Variants in TTC19 observed in about 807,000 individuals in gnomAD.
TTC19 encodes tetratricopeptide repeat domain 19.
A neutral mutation model predicts 49.5 loss-of-function variants in TTC19; 38 were observed. The observed-to-expected ratio is 0.77, with a 90% CI of 0.59 to 1.01. The LOEUF (loss-of-function observed/expected upper bound fraction) is 1.01. Among genes scored for constraint, TTC19 ranks in the 50% least tolerant of loss-of-function variants. The pLI is 0.00. For missense variants in TTC19, 475 were observed against 477.7 expected, an observed-to-expected ratio of 0.99 and a Z score of 0.05; for synonymous variants, 204 against 185.2, an observed-to-expected ratio of 1.10 and a Z score of -0.83.
In TTC19 at chr17:15,999,899, G is replaced by A. The variant is rs1324135101; in HGVS notation, c.51G>A (p.Ala17=). 2 of 1,397,724 alleles carry A rather than the reference G, an allele frequency of 1.4e-6. No individual in the cohort carries two copies. The highest frequency in any genetic ancestry group is 1.8e-6 in the Non-Finnish European group (2 of 1,085,492). 86.6% of individuals were successfully genotyped at this position (1,397,724 alleles called of 1,614,324 possible). A position where few individuals can be genotyped will look rare whatever the true frequency, so the allele number is the denominator to read the frequency against. ...TGGGCCGAGGCTTCCTGCGGGCCGC[G>A]GGGCGGCGGTGCCGGGGCTGCTCCG... The part of the protein sequence containing the change: ...WSLGRGFLRA[A]GRRCRGCSAR... The change falls in exon 1 of 10, where the codon GCG becomes GCA. Residue 17 remains alanine (A), a synonymous_variant. Transcript: ENST00000261647.
rs574609977 is a variant in TTC19, at chr17:16,027,633, G to A, written c.*111G>A. On this transcript the variant is annotated 3_prime_UTR_variant, in exon 10 of 10. Coordinates refer to ENST00000261647, the MANE Select transcript of TTC19 (RefSeq NM_017775.4). ...TAAATCTGTCGTTTTTGATATTCAG[G>A]TTTCCTCAATTTAGCCTTAGTGAAG... The A allele has an allele frequency of 3.5e-5, 47 of 1,344,922 alleles. No individual in the cohort carries two copies. The South Asian group carries it at 5.5e-4, about 16-fold the overall frequency. The allele number at this position is 1,344,922 out of a possible 1,614,324, so 83.3% of individuals were successfully genotyped here. A position where few individuals can be genotyped will look rare whatever the true frequency, so the allele number is the denominator to read the frequency against.
At chr17:16,035,333 G>A (rs1414011707) in intron 2 of TTC19, among the ~76,000 whole-genome samples, 1 of 151,188 alleles carries the variant, frequency 6.6e-6, no homozygotes, top group Non-Finnish European at 1.5e-5. Flanking sequence ...TTATTAACTG[G>A]GTTTATGTAA....
chr17:16,037,488 A>G (rs1475126763), intron 2 of TTC19, among the ~76,000 whole-genome samples: 1 of 152,188 alleles, frequency 6.6e-6, no homozygotes, highest in East Asian at 1.9e-4. Flanking sequence ...CAATCAAAAC[A>G]AAAAACAAGG....
intron 2 of TTC19, chr17:16,040,065 C>T (rs922846957): frequency 6.9e-6 from 3 of 435,374 alleles, no homozygotes; most frequent in Non-Finnish European, 1.3e-5. Flanking sequence ...GCTGGGATTA[C>T]AGGCGTGAGC....
downstream of TTC19, chr17:16,030,298 G>A: frequency 4.5e-6 from 1 of 224,524 alleles, no homozygotes; most frequent in Non-Finnish European, 8.9e-6. Context: ...TTGCTATCTT[G>A]GGTGGCAGAG....
chr17:16,031,134 T>G (rs919421308), downstream of TTC19: 1 of 195,316 alleles, frequency 5.1e-6, no homozygotes. Flanking sequence ...TATTTGCACC[T>G]TGAGACTCTG....
At chr17:16,032,401 A>G (rs1567603868), downstream of TTC19, 4 of 1,614,020 alleles carry the variant, frequency 2.5e-6, no homozygotes, top group Non-Finnish European at 8.5e-7. Flanking sequence ...GGTTCACCGC[A>G]GAGGGAGCAC....
At chr17:16,042,396 T>C (rs1597721667) in intron 2 of TTC19, among the ~76,000 whole-genome samples, 1 of 152,268 alleles carries the variant, frequency 6.6e-6, no homozygotes. Flanking sequence ...CAATTTCCTA[T>C]AAGTTAACCA....
Position 16,027,503 on chromosome 17 carries a change from C to A in TTC19, c.1124C>A (p.Thr375Lys). Reference sequence around the variant, plus strand: ...CTGTCAAAGAAAAGTAGACCTTTGACAAATTCTGTCAAGCTCTAAATCCAT... The same window carrying A: ...CTGTCAAAGAAAAGTAGACCTTTGAAAAATTCTGTCAAGCTCTAAATCCAT... The part of the protein sequence containing the change: ...AELSKKSRPL[T>K]NSVKL Residue 375 changes from threonine (T) to lysine (K), a missense_variant, in exon 10 of 10, where the codon ACA becomes AAA. By Grantham distance (78) the Thr-to-Lys change is moderately conservative. Coordinates refer to ENST00000261647, the MANE Select transcript of TTC19 (RefSeq NM_017775.4). The A allele has an allele frequency of 6.2e-7, 1 of 1,613,958 alleles. No individual in the cohort carries two copies.
intron 8 of TTC19, 87 bp downstream of exon 8, chr17:16,025,258 A>T (rs1971514510): frequency 7.0e-7 from 1 of 1,418,764 alleles, no homozygotes; most frequent in Admixed American, 1.9e-5. Context: ...TGGTAACAGG[A>T]TCAGCAGATG....
Position 16,003,840 on chromosome 17 carries a change from C to A in TTC19, c.472C>A (p.Leu158Ile). The A allele has an allele frequency of 6.2e-7, 1 of 1,613,740 alleles. No homozygotes were observed. Among genetic ancestry groups the A allele is most frequent in the Non-Finnish European group, 8.5e-7 (1 of 1,179,844 alleles). The change falls in exon 5 of 10, where the codon CTT becomes ATT. Residue 158 changes from leucine (L) to isoleucine (I), a missense_variant. Coordinates refer to ENST00000261647, the MANE Select transcript of TTC19 (RefSeq NM_017775.4). ...IRGQLENAEQ[L>I]FKATMSYLLG... Reference sequence around the variant, plus strand: ...TTCCTTATGCTTTTAGGCTGAACAACTTTTTAAAGCAACAATGAGTTACCT... The same window carrying A: ...TTCCTTATGCTTTTAGGCTGAACAAATTTTTAAAGCAACAATGAGTTACCT...
intron 7 of TTC19, among the ~76,000 whole-genome samples, chr17:16,007,396 A>G (rs936376047): frequency 6.6e-6 from 1 of 152,250 alleles, no homozygotes. Context: ...TGTCACAGAC[A>G]GGAGATTCAT....
rs1232867269 is a variant in TTC19 at position 16,040,571 on chromosome 17, A to G, written c.248-3932A>G. 3.3e-6 allele frequency: 4 copies of G among 1,194,082 alleles called. No individual in the cohort carries two copies. The East Asian group carries it at 1.0e-4, about 30-fold the overall frequency. The allele number at this position is 1,194,082 out of a possible 1,614,324, so 74.0% of individuals were successfully genotyped here. On this transcript the variant is annotated intron_variant, in intron 2 of 2. Coordinates refer to the TTC19 transcript ENST00000470649. ...CAAACTAAAGTCTCAAAAAATTCCT[A>G]TAATAAAATTAATCTTTTTATTTTT...
intron 7 of TTC19, among the ~76,000 whole-genome samples, chr17:16,016,552 ATTTT>A (rs769994419): frequency 3.2e-5 from 3 of 94,052 alleles, no homozygotes; most frequent in South Asian, 6.9e-4. Flanking sequence ...AGTTGTTCTA[ATTTT>A]TTTTTTTTTT....
rs1286459627 is a variant in TTC19, at chr17:15,999,911, C to T, written c.63C>T (p.Cys21=). The change falls in exon 1 of 10, where the codon TGC becomes TGT. Residue 21 remains cysteine, a synonymous_variant. Transcript: ENST00000261647. The part of the protein sequence containing the change: ...RGFLRAAGRR[C]RGCSARLLPG... ...TCCTGCGGGCCGCGGGGCGGCGGTGCCGGGGCTGCTCCGCGCGCCTGCTCC... is the reference window on the plus strand; with the variant it reads ...TCCTGCGGGCCGCGGGGCGGCGGTGTCGGGGCTGCTCCGCGCGCCTGCTCC... The T allele has an allele frequency of 1.4e-6, 2 of 1,386,882 alleles. No individual in the cohort carries two copies. The highest frequency in any genetic ancestry group is 1.9e-6 in the Non-Finnish European group (2 of 1,080,160). 85.9% of individuals were successfully genotyped at this position (1,386,882 alleles called of 1,614,324 possible).
intron 2 of TTC19, among the ~76,000 whole-genome samples, chr17:16,041,792 A>G (rs891753432): frequency 3.2e-4 from 48 of 151,788 alleles, no homozygotes; most frequent in Non-Finnish European, 3.1e-4. Context: ...GCTGGAGTGC[A>G]GCGGTGCGAT....
intron 7 of TTC19, among the ~76,000 whole-genome samples, chr17:16,007,446 TG>T (rs1970945583): frequency 1.5e-5 from 1 of 66,184 alleles, no homozygotes. Flanking sequence ...TACAGTTTTT[TG>T]TTTTTTGTTT....
chr17:16,006,618 C>G (rs925185237), intron 7 of TTC19, 50 bp downstream of exon 7: 1 of 1,240,366 alleles, frequency 8.1e-7, no homozygotes, highest in African/African-American at 1.5e-5. Context: ...AAAGGCTTTA[C>G]TTTACACTTT....
chr17:16,006,435 A>G, intron 6 of TTC19, 39 bp from the exon 7 acceptor site: 1 of 1,423,694 alleles, frequency 7.0e-7, no homozygotes. Flanking sequence ...AAAAAAAAGA[A>G]GAAAAGGTAA....
Sources: allele counts gnomAD v4.1 joint callset (sites outside exome capture counted in the v4.1 genomes callset), GRCh38; gene constraint gnomAD v4.1.1; transcripts MANE v1.5; gene names NCBI Gene and HGNC (gene_info 2026-07-23, HGNC 2026-07-21).